TFB1M: variants seen among roughly 807,000 people sequenced by gnomAD.
The protein encoded by TFB1M is transcription factor B1, mitochondrial, also known as dimethyladenosine transferase 1, mitochondrial.
A neutral mutation model predicts 31.1 loss-of-function variants in TFB1M; 27 were observed. The observed-to-expected ratio is 0.87, with a 90% CI of 0.64 to 1.20. The LOEUF (loss-of-function observed/expected upper bound fraction) is 1.20. TFB1M is among the 50% of genes most tolerant of loss of function. The pLI is 0.00. For missense variants in TFB1M, 394 were observed against 418.7 expected, an observed-to-expected ratio of 0.94 and a Z score of 0.51; for synonymous variants, 166 against 151.8, an observed-to-expected ratio of 1.09 and a Z score of -0.69.
At chr6:155,276,784 GCAA>G (rs1167227829) in intron 5 of TFB1M, among the ~76,000 whole-genome samples, 1 of 152,150 alleles carries the variant, frequency 6.6e-6, no homozygotes, top group East Asian at 1.9e-4. Flanking sequence ...TATCTGGTTG[GCAA>G]CAACACAGCA....
the TFB1M span, among the ~76,000 whole-genome samples, chr6:155,241,498 G>A: frequency 1.3e-5 from 2 of 152,102 alleles, no homozygotes; most frequent in African/African-American, 4.8e-5. Flanking sequence ...TGAGACACTC[G>A]GTCCCCCTTC....
At chr6:155,294,044 C>G (rs1777051745) in intron 4 of TFB1M, among the ~76,000 whole-genome samples, 1 of 152,034 alleles carries the variant, frequency 6.6e-6, no homozygotes, top group East Asian at 1.9e-4. Context: ...CTAATCAGAC[C>G]AATGCTTATA....
intron 2 of TFB1M, among the ~76,000 whole-genome samples, chr6:155,305,604 T>TTATATATTTATATATATAA (rs1562425832): frequency 8.2e-5 from 1 of 12,164 alleles, no homozygotes; most frequent in Non-Finnish European, 1.3e-4. Flanking sequence ...TATATATAAA[T>TTATATATTTATATATATAA]ATATATATAT....
chr6:155,274,887 T>C (rs1376748575), intron 5 of TFB1M, among the ~76,000 whole-genome samples: 1 of 152,222 alleles, frequency 6.6e-6, no homozygotes, highest in Admixed American at 6.5e-5. Context: ...CTTAATTTAT[T>C]TTCTTCCTTA....
At chr6:155,244,587 G>T in the TFB1M span, 1 of 1,536,322 alleles carries the variant, frequency 6.5e-7, no homozygotes, top group South Asian at 1.2e-5. Flanking sequence ...TTATTTGTGG[G>T]CCTAAGAGTT....
In TFB1M at chr6:155,285,170, G is replaced by C. The variant is rs1562406149; in HGVS notation, c.654C>G (p.Val218=). 1 of 1,613,956 alleles carries C rather than the reference G, an allele frequency of 6.2e-7. No individual in the cohort carries two copies. The highest frequency in any genetic ancestry group is 8.5e-7 in the Non-Finnish European group (1 of 1,179,880). The change falls in exon 5 of 7, where the codon GTC becomes GTG. Residue 218 remains valine (V), a synonymous_variant. Coordinates refer to ENST00000367166, the MANE Select transcript of TFB1M (RefSeq NM_016020.4). ...AGCAGAAACTTACCTCTGGTTTGGG[G>C]ACAAAAGCTTGTCCTGGAATCGTAA... The part of the protein sequence containing the change: ...HIFTIPGQAF[V]PKPEVDVGVV...
At chr6:155,232,942 A>C in the TFB1M span, 1 of 152,224 alleles carries the variant, frequency 6.6e-6, no homozygotes, top group East Asian at 1.9e-4. Flanking sequence ...CAAATTACGC[A>C]GCACTTTTAA....
chr6:155,272,927 T>G (rs144852046), intron 5 of TFB1M, among the ~76,000 whole-genome samples: 4 of 152,242 alleles, frequency 2.6e-5, no homozygotes, highest in Non-Finnish European at 5.9e-5. Flanking sequence ...GGATTATAAT[T>G]GGTAAGCTGA....
At chr6:155,249,792 T>G in the TFB1M span, 1 of 1,426,818 alleles carries the variant, frequency 7.0e-7, no homozygotes, top group South Asian at 1.3e-5. Flanking sequence ...ATTATTACTG[T>G]TGGATAGAAT....
chr6:155,230,555 A>T, the TFB1M span, among the ~76,000 whole-genome samples: 1 of 91,000 alleles, frequency 1.1e-5, no homozygotes, highest in Admixed American at 1.1e-4. Flanking sequence ...TGTTCATCAA[A>T]GTGTCTTTAT....
At chr6:155,247,706 G>A in the TFB1M span, among the ~76,000 whole-genome samples, 1 of 152,190 alleles carries the variant, frequency 6.6e-6, no homozygotes, top group African/African-American at 2.4e-5. Context: ...GGGTATGCAT[G>A]AAATGTGTCT....
intron 2 of TFB1M, among the ~76,000 whole-genome samples, chr6:155,301,027 A>G (rs1454505816): frequency 1.3e-5 from 2 of 152,048 alleles, no homozygotes; most frequent in Non-Finnish European, 2.9e-5. Flanking sequence ...CTGGTCTCTA[A>G]CACCTGACCT....
At chr6:155,251,826 T>C, downstream of TFB1M, 1 of 747,048 alleles carries the variant, frequency 1.3e-6, no homozygotes, top group East Asian at 2.7e-5. Context: ...GTTGGCAGAG[T>C]GAGGTCTTAG....
At chr6:155,254,025 AGGACG>A (rs1783846805), downstream of TFB1M, 1 of 1,614,086 alleles carries the variant, frequency 6.2e-7, no homozygotes. Flanking sequence ...CAGAAATAGA[AGGACG>A]GCCAGAAACC....
the TFB1M span, chr6:155,244,610 T>C: frequency 0.38 from 613,657 of 1,596,428 alleles, 123,936 homozygotes; most frequent in Middle Eastern, 0.49. Context: ...CGTGGTGTCC[T>C]GAACTTCATG....
chr6:155,260,601 G>T (rs41284230), intron 5 of TFB1M: 167 of 654,462 alleles, frequency 2.6e-4, no homozygotes, highest in Middle Eastern at 1.6e-3. Context: ...GAAATCAGCC[G>T]GCTGCACCTG....
At chr6:155,250,953 C>G in the TFB1M span, 1 of 1,614,202 alleles carries the variant, frequency 6.2e-7, no homozygotes, top group Non-Finnish European at 8.5e-7. Context: ...ATGCACTCTA[C>G]GGTTTCCTGG....
chr6:155,302,321 C>A (rs1313919471), intron 2 of TFB1M, among the ~76,000 whole-genome samples: 3 of 151,792 alleles, frequency 2.0e-5, no homozygotes, highest in Admixed American at 6.6e-5. Flanking sequence ...CAGGGCTGGG[C>A]AAAACTGTTA....
At chr6:155,265,908 G>A (rs954099013) in intron 5 of TFB1M, among the ~76,000 whole-genome samples, 1 of 151,868 alleles carries the variant, frequency 6.6e-6, no homozygotes, top group African/African-American at 2.4e-5. Flanking sequence ...AAGAACTTGG[G>A]AGTCCAATGT....
Sources: gnomAD v4.1 joint callset for allele counts (sites outside exome capture counted in the v4.1 genomes callset) on GRCh38, gnomAD v4.1.1 for gene constraint, MANE v1.5 for transcripts, NCBI Gene and HGNC (gene_info 2026-07-23, HGNC 2026-07-21) for gene names.